WNT7A: variants seen among roughly 807,000 people sequenced by gnomAD.
The protein encoded by WNT7A is protein Wnt-7a.
Under a neutral mutation model 28.2 loss-of-function variants are expected in WNT7A, and 16 were observed. The ratio of observed to expected loss-of-function variants is 0.57; its 90% CI spans 0.38 to 0.86. WNT7A has a LOEUF of 0.86. Ranked by LOEUF, WNT7A falls within the 40% of genes least tolerant of loss-of-function variation. The pLI is 0.00. For missense variants in WNT7A, 411 were observed against 489.7 expected (o/e 0.84, Z 1.52); for synonymous variants, 190 against 195.9 (o/e 0.97, Z 0.25).
intron 3 of WNT7A, among the ~76,000 whole-genome samples, chr3:13,839,860 T>C (rs946259784): frequency 2.6e-5 from 4 of 152,176 alleles, no homozygotes; most frequent in African/African-American, 9.7e-5. Flanking sequence ...GGATCTGTAA[T>C]TAAAATGCTG....
At position 13,879,977 on chromosome 3, in the gene WNT7A, C is replaced by G. The variant is rs1228523520; in HGVS notation, c.-161G>C. Reference sequence around the variant, plus strand: ...CGCGCGCTCCGCGCCTGAGCCTCGCCAGGAGCACGGGAGCCACGGAGCGGG... The same window carrying G: ...CGCGCGCTCCGCGCCTGAGCCTCGCGAGGAGCACGGGAGCCACGGAGCGGG... On this transcript the variant is annotated 5_prime_UTR_variant, in exon 1 of 4. Transcript: ENST00000285018. The G allele has an allele frequency of 2.2e-6, 1 of 462,768 alleles. No individual in the cohort carries two copies. The highest frequency in any genetic ancestry group is 2.0e-5 in the African/African-American group (1 of 48,792). 28.7% of individuals were successfully genotyped at this position (462,768 alleles called of 1,614,324 possible).
At chr3:13,842,773 G>A (rs1694483468) in intron 3 of WNT7A, among the ~76,000 whole-genome samples, 1 of 152,308 alleles carries the variant, frequency 6.6e-6, no homozygotes, top group South Asian at 2.1e-4. Context: ...TGTGGTAGAC[G>A]AGTGCTCATG....
intron 3 of WNT7A, among the ~76,000 whole-genome samples, chr3:13,850,131 A>T (rs1415339778): frequency 1.3e-5 from 2 of 152,184 alleles, no homozygotes; most frequent in African/African-American, 4.8e-5. Flanking sequence ...AAGAACCCAC[A>T]CCTGTGCCCA....
chr3:13,847,941 C>T (rs1298982130), intron 3 of WNT7A, among the ~76,000 whole-genome samples: 1 of 151,968 alleles, frequency 6.6e-6, no homozygotes, highest in Admixed American at 6.6e-5. Flanking sequence ...GGGGTGCACA[C>T]CCAAGAATGC....
At chr3:13,838,645 T>C (rs536039258) in intron 3 of WNT7A, among the ~76,000 whole-genome samples, 2 of 152,270 alleles carry the variant, frequency 1.3e-5, no homozygotes, top group South Asian at 4.1e-4. Flanking sequence ...GGGGACCTGG[T>C]TGGAGCCCCC....
At chr3:13,864,797 T>G (rs992875476) in intron 2 of WNT7A, among the ~76,000 whole-genome samples, 1 of 152,264 alleles carries the variant, frequency 6.6e-6, no homozygotes, top group Non-Finnish European at 1.5e-5. Context: ...CTCTTCATTC[T>G]ATACACTGTG....
At chr3:13,872,818 T>C (rs1402309745) in intron 2 of WNT7A, among the ~76,000 whole-genome samples, 1 of 152,214 alleles carries the variant, frequency 6.6e-6, no homozygotes, top group Non-Finnish European at 1.5e-5. Context: ...CCAATGCCAG[T>C]TGATATACTG....
chr3:13,869,695 G>GAGAA (rs1452590268), intron 2 of WNT7A, among the ~76,000 whole-genome samples: 1 of 149,404 alleles, frequency 6.7e-6, no homozygotes, highest in East Asian at 2.0e-4. Context: ...GGGAAAGATA[G>GAGAA]AGAAAGAAGG....
chr3:13,831,984 C>T (rs975550954), intron 3 of WNT7A, among the ~76,000 whole-genome samples: 2 of 152,026 alleles, frequency 1.3e-5, no homozygotes, highest in African/African-American at 4.8e-5. Context: ...AGCCTTGGAC[C>T]CCCAACCCCG....
chr3:13,863,388 GTGAA>G (rs767361220), intron 2 of WNT7A, among the ~76,000 whole-genome samples: 23 of 146,650 alleles, frequency 1.6e-4, no homozygotes, highest in Non-Finnish European at 2.5e-4. Context: ...GAATGTGCAT[GTGAA>G]AGCAAGTGTG....
At chr3:13,824,045 C>T (rs1483921530) in intron 3 of WNT7A, among the ~76,000 whole-genome samples, 2 of 152,216 alleles carry the variant, frequency 1.3e-5, no homozygotes, top group Non-Finnish European at 2.9e-5. Context: ...AATTCCTTTA[C>T]TTTTGTCCTT....
chr3:13,825,440 A>G (rs895060705), intron 3 of WNT7A, among the ~76,000 whole-genome samples: 3 of 152,198 alleles, frequency 2.0e-5, no homozygotes, highest in Admixed American at 1.3e-4. Flanking sequence ...ATGTAGTGGT[A>G]TGTTGCTCAA....
chr3:13,819,534 CT>C, intron 3 of WNT7A, 111 bp from the exon 4 acceptor site: 3 of 1,386,854 alleles, frequency 2.2e-6, no homozygotes, highest in South Asian at 1.5e-5. Flanking sequence ...CTGGGTCTGG[CT>C]TTAGTTTTTT....
chr3:13,868,602 G>T (rs1209388252), intron 2 of WNT7A, among the ~76,000 whole-genome samples: 1 of 11,040 alleles, frequency 9.1e-5, no homozygotes, highest in African/African-American at 3.2e-4. Context: ...GAGAAAGAAA[G>T]AAAGAAAGAG....
intron 3 of WNT7A, among the ~76,000 whole-genome samples, chr3:13,835,510 A>G (rs951009060): frequency 1.3e-5 from 2 of 152,186 alleles, no homozygotes; most frequent in African/African-American, 2.4e-5. Context: ...GGCTCTGGCC[A>G]CCCCCATGGG....
intron 1 of WNT7A, chr3:13,875,954 A>AACTT (rs1263416463): frequency 6.6e-6 from 1 of 152,364 alleles, no homozygotes; most frequent in African/African-American, 2.4e-5. Context: ...GCCCTCAAGG[A>AACTT]ACTAGGGAGG....
intron 2 of WNT7A, among the ~76,000 whole-genome samples, chr3:13,866,625 G>A (rs1423606079): frequency 8.5e-5 from 13 of 152,190 alleles, no homozygotes; most frequent in Non-Finnish European, 1.5e-5. Flanking sequence ...AAAGACAGAG[G>A]GAGCGAGCCA....
At position 13,816,906 on chromosome 3, in the gene WNT7A, C is replaced by T. The variant is rs1694012740; in HGVS notation, c.*2038G>A. 6.6e-6 allele frequency: 1 copy of T among 152,378 alleles called. No individual in the cohort carries two copies. The highest frequency in any genetic ancestry group is 6.5e-5 in the Admixed American group (1 of 15,278). 9.4% of individuals were successfully genotyped at this position (152,378 alleles called of 1,614,324 possible). ...CCCTCCATCCATTCACTCCATGGCC[C>T]CTTCACATGCCCACTCCTCCAGACA... is the stretch of plus-strand genomic sequence containing the variant. On this transcript the variant is annotated 3_prime_UTR_variant, in exon 4 of 4. Coordinates refer to ENST00000285018, the MANE Select transcript of WNT7A (RefSeq NM_004625.4).
intron 2 of WNT7A, among the ~76,000 whole-genome samples, chr3:13,873,968 G>A (rs4684166): frequency 0.5 from 76,124 of 152,026 alleles, 20,107 homozygotes; most frequent in East Asian, 0.77. Flanking sequence ...TTTAAGCAGC[G>A]CAGTGACATG....
Sources: allele counts gnomAD v4.1 joint callset (sites outside exome capture counted in the v4.1 genomes callset), GRCh38; gene constraint gnomAD v4.1.1; transcripts MANE v1.5; gene names NCBI Gene and HGNC (gene_info 2026-07-23, HGNC 2026-07-21).